The following RHBDD1 variants were observed in gnomAD, a reference collection of about 807,000 sequenced individuals.
RHBDD1 encodes rhomboid domain containing 1.
RHBDD1 carries 38 observed loss-of-function variants against 36.3 expected under a neutral mutation model. The ratio of observed to expected loss-of-function variants is 1.05; its 90% confidence interval spans 0.81 to 1.37. The LOEUF is 1.37. Among genes scored for constraint, RHBDD1 ranks in the 40% most tolerant of loss-of-function variants. The pLI is 0.00. For synonymous variants in RHBDD1, 151 were observed against 136.5 expected, an observed-to-expected ratio of 1.11 and a Z score of -0.74; for missense variants, 393 against 377.6, an observed-to-expected ratio of 1.04 and a Z score of -0.34.
At chr2:226,816,861 G>A in the RHBDD1 span, among the ~76,000 whole-genome samples, 95 of 139,602 alleles carry the variant, frequency 6.8e-4, 4 homozygotes, top group Admixed American at 1.6e-3. Flanking sequence ...GCACCACTGC[G>A]CCAGCCTTGG....
intron 8 of RHBDD1, among the ~76,000 whole-genome samples, chr2:226,969,381 A>G (rs1029598763): frequency 2.7e-5 from 4 of 148,772 alleles, no homozygotes; most frequent in African/African-American, 7.4e-5. Context: ...GCTCTGGGCT[A>G]AGACAGCTCA....
intron 5 of RHBDD1, among the ~76,000 whole-genome samples, chr2:226,884,271 C>T (rs1216094507): frequency 6.6e-6 from 1 of 151,972 alleles, no homozygotes; most frequent in Non-Finnish European, 1.5e-5. Context: ...GGACTGTTTT[C>T]CATTTACATT....
chr2:226,945,511 AG>A (rs1575193693), intron 8 of RHBDD1, among the ~76,000 whole-genome samples: 1 of 152,162 alleles, frequency 6.6e-6, no homozygotes, highest in Non-Finnish European at 1.5e-5. Flanking sequence ...ATGGCTACAT[AG>A]TATTCCATGG....
chr2:226,828,970 T>C, the RHBDD1 span, among the ~76,000 whole-genome samples: 2 of 152,196 alleles, frequency 1.3e-5, no homozygotes, highest in African/African-American at 4.8e-5. Flanking sequence ...CTTTGCCTAA[T>C]CTAAGATGAC....
At chr2:226,868,609 T>G (rs1425490499) in intron 5 of RHBDD1, among the ~76,000 whole-genome samples, 2 of 152,226 alleles carry the variant, frequency 1.3e-5, no homozygotes, top group African/African-American at 4.8e-5. Flanking sequence ...TTTGCTACTG[T>G]TCTTTACAGA....
chr2:226,931,403 T>C (rs1005694984), intron 8 of RHBDD1, among the ~76,000 whole-genome samples: 21 of 151,992 alleles, frequency 1.4e-4, no homozygotes, highest in African/African-American at 4.6e-4. Flanking sequence ...GAAAACCAAA[T>C]ACCATATGTT....
At chr2:226,954,271 G>T (rs1486792131) in intron 8 of RHBDD1, among the ~76,000 whole-genome samples, 1 of 152,054 alleles carries the variant, frequency 6.6e-6, no homozygotes, top group Non-Finnish European at 1.5e-5. Context: ...AATAGTGAGG[G>T]TGATTGATTT....
chr2:226,892,685 T>G (rs1946783497), intron 5 of RHBDD1, among the ~76,000 whole-genome samples: 2 of 152,096 alleles, frequency 1.3e-5, no homozygotes, highest in African/African-American at 4.8e-5. Context: ...TGAGGTGTAG[T>G]CTTGCCTACT....
At chr2:226,825,920 C>A in the RHBDD1 span, among the ~76,000 whole-genome samples, 1 of 143,220 alleles carries the variant, frequency 7.0e-6, no homozygotes, top group Non-Finnish European at 1.6e-5. Flanking sequence ...AAGAAAATAA[C>A]AGTTATCGGG....
At position 226,839,215 on chromosome 2, in the gene RHBDD1, A is replaced by T. The variant is rs1003865742; in HGVS notation, c.-309-194A>T. ...CTAGGTCATAATTTTATTTGTCAGT[A>T]TATTGGAATATGGGGGTGGGGACCA... On this transcript the variant is annotated intron_variant, in intron 2 of 8. Coordinates refer to ENST00000392062, the MANE Select transcript of RHBDD1 (RefSeq NM_001167608.3). Among the ~76,000 whole-genome samples, 66 of 152,304 alleles carry T rather than the reference A, an allele frequency of 4.3e-4. 1 individual carries two copies. Among genetic ancestry groups the T allele is most frequent in the Admixed American group, 4.3e-3 (66 of 15,302 alleles).
Position 226,864,753 on chromosome 2 carries a change from C to A in RHBDD1, c.60C>A (p.Phe20Leu), listed in dbSNP as rs756643447. The change falls in exon 4 of 9, where the codon TTC (phenylalanine) becomes TTA (leucine). Residue 20 changes from phenylalanine to leucine, a missense_variant. Coordinates refer to ENST00000392062, the MANE Select transcript of RHBDD1 (RefSeq NM_001167608.3). ...TTATTCTACTCCTTTCTCAAATCTT[C>A]CATGTTGGGATCAACAATATTCCAC... Reference protein sequence around the residue: ...TGLILLLSQIFHVGINNIPPV... With the variant: ...TGLILLLSQILHVGINNIPPV... The A allele has an allele frequency of 6.2e-7, 1 of 1,614,078 alleles. No homozygotes were observed. The highest frequency in any genetic ancestry group is 2.2e-5 in the East Asian group (1 of 44,894).
At chr2:226,964,288 C>T (rs549303147) in intron 8 of RHBDD1, among the ~76,000 whole-genome samples, 1 of 152,318 alleles carries the variant, frequency 6.6e-6, no homozygotes, top group Admixed American at 6.5e-5. Flanking sequence ...GCTAAGATCC[C>T]CTGCACCCTC....
At chr2:226,943,356 C>G (rs1950783050) in intron 8 of RHBDD1, among the ~76,000 whole-genome samples, 1 of 152,122 alleles carries the variant, frequency 6.6e-6, no homozygotes, top group African/African-American at 2.4e-5. Flanking sequence ...AGTGTGCAGT[C>G]ATAGGAGACA....
At chr2:226,893,563 T>G (rs2125518872) in intron 5 of RHBDD1, among the ~76,000 whole-genome samples, 1 of 152,314 alleles carries the variant, frequency 6.6e-6, no homozygotes, top group East Asian at 1.9e-4. Context: ...TTGCATAGTA[T>G]AGTCACATGA....
chr2:226,908,688 GTTTAT>G (rs1400764404), intron 6 of RHBDD1, 129 bp from the exon 7 acceptor site: 1 of 698,860 alleles, frequency 1.4e-6, no homozygotes, highest in Non-Finnish European at 2.6e-6. Context: ...ACAAAAGGGA[GTTTAT>G]TTTAATAAGT....
In RHBDD1 at chr2:226,934,650, T is replaced by C. The variant is rs532953447; in HGVS notation, c.856+20299T>C. On this transcript the variant is annotated intron_variant, in intron 8 of 8. Coordinates refer to ENST00000392062, the MANE Select transcript of RHBDD1 (RefSeq NM_001167608.3). ...AAGGGGCTTGAACATTTACTACTAC[T>C]AACAAAAATCTTGTCTTGTTCTGTT... is the stretch of plus-strand genomic sequence containing the variant. 3.3e-5 allele frequency among the ~76,000 whole-genome samples: 5 copies of C among 152,202 alleles called. No individual in the cohort carries two copies. The South Asian group carries it at 1.0e-3, about 32-fold the overall frequency.
At chr2:226,814,762 A>G in the RHBDD1 span, among the ~76,000 whole-genome samples, 1 of 152,204 alleles carries the variant, frequency 6.6e-6, no homozygotes, top group Non-Finnish European at 1.5e-5. Flanking sequence ...TAGGCTAGTG[A>G]GACATCTAAT....
At chr2:226,847,923 T>G (rs1190454697) in intron 3 of RHBDD1, among the ~76,000 whole-genome samples, 1 of 152,182 alleles carries the variant, frequency 6.6e-6, no homozygotes, top group Non-Finnish European at 1.5e-5. Context: ...TGGAACGCCT[T>G]GCAACTCCCC....
chr2:226,838,895 T>A (rs979154870), intron 2 of RHBDD1, among the ~76,000 whole-genome samples: 1 of 152,148 alleles, frequency 6.6e-6, no homozygotes, highest in African/African-American at 2.4e-5. Flanking sequence ...AAGGTAAACA[T>A]CCAAAGGTCA....
Sources: allele counts gnomAD v4.1 joint callset (sites outside exome capture counted in the v4.1 genomes callset), GRCh38; gene constraint gnomAD v4.1.1; transcripts MANE v1.5; gene names NCBI Gene and HGNC (gene_info 2026-07-23, HGNC 2026-07-21).